The following FIBCD1 variants were observed in gnomAD, a reference collection of about 807,000 sequenced individuals.
FIBCD1 encodes the protein fibrinogen C domain containing 1, also known as fibrinogen C domain-containing protein 1.
Under a neutral mutation model 45.1 loss-of-function variants are expected in FIBCD1, and 47 were observed. The observed-to-expected ratio is 1.04, with a 90% CI of 0.82 to 1.33. FIBCD1 has a LOEUF of 1.33. FIBCD1 is among the 40% of genes most tolerant of loss of function. The pLI is 0.00. For missense variants in FIBCD1, 653 were observed against 682.2 expected (o/e 0.96, Z 0.48); for synonymous variants, 313 against 308.1 (o/e 1.02, Z -0.17).
rs765909740 is a variant in FIBCD1, at chr9:130,905,346, A to G, written c.1014T>C (p.Phe338=). The change falls in exon 6 of 7, where the codon TTT becomes TTC. Residue 338 remains phenylalanine (F), a synonymous_variant. Coordinates refer to ENST00000372338, the MANE Select transcript of FIBCD1 (RefSeq NM_032843.5). ...AGCGGGCATAGGCCGTGCCATTCTC[A>G]AAGTCCTCCAGGTCCACGTGCAGCT... ...AYELHVDLED[F]ENGTAYARYG... is the part of the protein sequence containing the mutation. 9 of 1,613,954 alleles carry G rather than the reference A, an allele frequency of 5.6e-6. No individual in the cohort carries two copies. The East Asian group carries it at 2.0e-4, about 36-fold the overall frequency.
chr9:130,909,146 G>T, intron 5 of FIBCD1, among the ~76,000 whole-genome samples: 1 of 152,004 alleles, frequency 6.6e-6, no homozygotes, highest in East Asian at 1.9e-4. Context: ...GAGTTCCTCA[G>T]ATGTCCACAC....
At chr9:130,905,206 C>A (rs745874527) in intron 6 of FIBCD1, 28 bp downstream of exon 6, 4 of 1,597,330 alleles carry the variant, frequency 2.5e-6, no homozygotes, top group Non-Finnish European at 3.4e-6. Flanking sequence ...GCCCCCCTTC[C>A]CCATCCCTGC....
At chr9:130,907,407 C>A (rs918769824) in intron 5 of FIBCD1, among the ~76,000 whole-genome samples, 4 of 152,220 alleles carry the variant, frequency 2.6e-5, no homozygotes, top group East Asian at 3.9e-4. Context: ...CCGCTCCCAG[C>A]CACGTTAGCT....
intron 4 of FIBCD1, among the ~76,000 whole-genome samples, chr9:130,919,529 C>T (rs189754814): frequency 2.6e-5 from 4 of 152,350 alleles, no homozygotes; most frequent in Admixed American, 6.5e-5. Context: ...GCCCCAGGAG[C>T]TCTTCATCCC....
In FIBCD1 at chr9:130,902,778, T is replaced by C. The variant is rs1365948255; in HGVS notation, c.*1286A>G. The C allele has an allele frequency of 1.3e-5, 2 of 152,406 alleles. No individual in the cohort carries two copies. Among genetic ancestry groups the C allele is most frequent in the African/African-American group, 4.8e-5 (2 of 41,584 alleles). 9.4% of individuals were successfully genotyped at this position (152,406 alleles called of 1,614,324 possible). Reference sequence around the variant, plus strand: ...GGTCCAGGGCTGCTGAGCAGACAGCTGAGGACCCGGCTCCAGCCCTGCCCT... The same window carrying C: ...GGTCCAGGGCTGCTGAGCAGACAGCCGAGGACCCGGCTCCAGCCCTGCCCT... On this transcript the variant is annotated 3_prime_UTR_variant, in exon 7 of 7. Coordinates refer to ENST00000372338, the MANE Select transcript of FIBCD1 (RefSeq NM_032843.5).
rs549504754 is a variant in FIBCD1 at position 130,934,178 on chromosome 9, A to G, written c.73-4132T>C. Among the ~76,000 whole-genome samples, 16 of 152,234 alleles carry G rather than the reference A, an allele frequency of 1.1e-4. No homozygotes were observed. In the East Asian group the frequency reaches 2.9e-3, roughly 28 times the overall value. ...TCAGGGGAATTCCTCCTGTCTCCCC[A>G]GGAGCCCACTCTGCTCCCGGCTGGC... On this transcript the variant is annotated intron_variant, in intron 1 of 6. Coordinates refer to ENST00000372338, the MANE Select transcript of FIBCD1 (RefSeq NM_032843.5).
At chr9:130,925,453 C>T (rs1832342633) in intron 2 of FIBCD1, among the ~76,000 whole-genome samples, 1 of 152,152 alleles carries the variant, frequency 6.6e-6, no homozygotes, top group South Asian at 2.1e-4. Context: ...GTTTTGACTC[C>T]AGTCCCTCCC....
chr9:130,934,857 C>T (rs531811663), intron 1 of FIBCD1, among the ~76,000 whole-genome samples: 1 of 152,304 alleles, frequency 6.6e-6, no homozygotes, highest in East Asian at 1.9e-4. Context: ...AGCCACACCA[C>T]TCCCCAGCTA....
intron 1 of FIBCD1, among the ~76,000 whole-genome samples, chr9:130,936,672 T>G (rs995052487): frequency 2.0e-5 from 3 of 152,364 alleles, no homozygotes; most frequent in Non-Finnish European, 4.4e-5. Flanking sequence ...CTCCTGAGGC[T>G]CTTCCTGGCC....
intron 1 of FIBCD1, among the ~76,000 whole-genome samples, chr9:130,937,605 T>C (rs532718641): frequency 6.6e-6 from 1 of 152,316 alleles, no homozygotes; most frequent in South Asian, 2.1e-4. Context: ...CCTTCCCCAA[T>C]GACATCTGTC....
At chr9:130,904,933 C>G (rs1831899814) in intron 6 of FIBCD1, among the ~76,000 whole-genome samples, 1 of 152,180 alleles carries the variant, frequency 6.6e-6, no homozygotes, top group African/African-American at 2.4e-5. Context: ...GCAACTGAAT[C>G]AACTGATGAA....
chr9:130,911,586 C>T (rs1036391059), intron 5 of FIBCD1, among the ~76,000 whole-genome samples: 4 of 152,240 alleles, frequency 2.6e-5, no homozygotes, highest in Non-Finnish European at 5.9e-5. Context: ...GGAGCCCACC[C>T]ACGCTGACAC....
In FIBCD1 at chr9:130,904,809, C is replaced by A. The variant is rs11244187; in HGVS notation, c.1126+425G>T. ...TTGCAGGGGTGAGGACCAAGCAGGA[C>A]TTGGAGGAGGAGGCAAGCAGCCTTG... On this transcript the variant is annotated intron_variant, in intron 6 of 6. Coordinates refer to ENST00000372338, the MANE Select transcript of FIBCD1 (RefSeq NM_032843.5). 7.6e-3 allele frequency among the ~76,000 whole-genome samples: 1,163 copies of A among 152,318 alleles called. 4 individuals are homozygous for A. Among genetic ancestry groups the A allele is most frequent in the African/African-American group, 0.026 (1,081 of 41,560 alleles).
chr9:130,905,259 G>A lies in FIBCD1; in HGVS notation c.1101C>T (p.Thr367=), dbSNP rs1386838057. The change falls in exon 6 of 7, where the codon ACC becomes ACT. Residue 367 remains threonine (T), a synonymous_variant. Transcript: ENST00000372338. ...CTGCAGTGCCGGAATAGTCAGCCAC[G>A]GTGAGCGGGTACCCGTCTTCCTCAG... ...VDPEEDGYPL[T]VADYSGTAGD... 1.2e-5 allele frequency: 20 copies of A among 1,613,824 alleles called. No homozygotes were observed. Among genetic ancestry groups the A allele is most frequent in the Non-Finnish European group, 1.4e-5 (17 of 1,179,976 alleles).
chr9:130,930,329 G>A (rs534712641), intron 1 of FIBCD1, among the ~76,000 whole-genome samples: 5 of 151,952 alleles, frequency 3.3e-5, no homozygotes, highest in East Asian at 1.9e-4. Context: ...GAGAGACGGG[G>A]AGACGCGGGG....
intron 6 of FIBCD1, 33 bp downstream of exon 6, chr9:130,905,201 C>G (rs751230022): frequency 1.9e-6 from 3 of 1,593,858 alleles, no homozygotes; most frequent in African/African-American, 1.3e-5. Context: ...AGGCCGCCCC[C>G]CTTCCCCATC....
upstream of FIBCD1, chr9:130,939,307 C>G (rs988091841): frequency 1.3e-5 from 2 of 152,204 alleles, no homozygotes; most frequent in Non-Finnish European, 2.9e-5. Context: ...CCGGCTCCCT[C>G]CCGGCTCAGG....
chr9:130,905,663 G>A (rs1371398570), intron 5 of FIBCD1, among the ~76,000 whole-genome samples: 1 of 152,214 alleles, frequency 6.6e-6, no homozygotes, highest in African/African-American at 2.4e-5. Flanking sequence ...CTTTTCAAAC[G>A]TTGGGGCTCT....
chr9:130,924,151 T>C, intron 3 of FIBCD1, 86 bp downstream of exon 3: 12 of 1,447,058 alleles, frequency 8.3e-6, no homozygotes, highest in Non-Finnish European at 1.1e-5. Context: ...TGGAGTCTCA[T>C]GGCTGGGGAA....
Sources: allele counts gnomAD v4.1 joint callset (sites outside exome capture counted in the v4.1 genomes callset), GRCh38; gene constraint gnomAD v4.1.1; transcripts MANE v1.5; gene names NCBI Gene and HGNC (gene_info 2026-07-23, HGNC 2026-07-21).